The following RORA variants were observed in gnomAD, a reference collection of about 807,000 sequenced individuals.
RORA encodes the protein nuclear receptor ROR-alpha.
A neutral mutation model predicts 69.5 loss-of-function variants in RORA; 7 were observed. That is an observed-to-expected ratio of 0.10 (90% confidence interval 0.06 to 0.19). The LOEUF is 0.19. Ranked by LOEUF, RORA falls within the 10% of genes least tolerant of loss-of-function variation. The pLI is 1.00. For missense variants in RORA, 457 were observed against 663.0 expected, an observed-to-expected ratio of 0.69 and a Z score of 3.41; for synonymous variants, 261 against 240.8, an observed-to-expected ratio of 1.08 and a Z score of -0.78.
At position 60,794,242 on chromosome 15, in the gene RORA, T is replaced by C. The variant is rs2072458111; in HGVS notation, c.167-115556A>G. On this transcript the variant is annotated intron_variant, in intron 1 of 10. Transcript: ENST00000335670. The stretch of plus-strand genomic sequence containing the variant: ...AACAGAAAATCTCAAAGCCCAACAC[T>C]ATTGCTTTAATGAAGAGAGTAGAGA... Among the ~76,000 whole-genome samples the C allele has an allele frequency of 2.6e-5, 4 of 152,212 alleles. No homozygotes were observed. In the South Asian group the frequency reaches 8.3e-4, roughly 31 times the overall value.
chr15:60,779,307 G>A (rs191506396), intron 1 of RORA, among the ~76,000 whole-genome samples: 19 of 152,216 alleles, frequency 1.2e-4, no homozygotes, highest in African/African-American at 3.9e-4. Context: ...TGCATCCTCA[G>A]TTTTCTGGCC....
chr15:60,527,472 C>T (rs1203470144), intron 3 of RORA, among the ~76,000 whole-genome samples: 1 of 152,216 alleles, frequency 6.6e-6, no homozygotes, highest in Non-Finnish European at 1.5e-5. Flanking sequence ...CTTGTGCTGG[C>T]ATGGGGCACG....
intron 1 of RORA, among the ~76,000 whole-genome samples, chr15:61,178,446 A>G (rs184174262): frequency 1.3e-3 from 198 of 152,274 alleles, no homozygotes; most frequent in African/African-American, 4.5e-3. Context: ...ATAATCTGAA[A>G]GTGCTCAAAT....
intron 1 of RORA, among the ~76,000 whole-genome samples, chr15:60,871,734 ACAAC>A (rs1025064403): frequency 6.6e-6 from 1 of 152,212 alleles, no homozygotes; most frequent in African/African-American, 2.4e-5. Flanking sequence ...TCCATATACC[ACAAC>A]CATGCATAAT....
intron 2 of RORA, among the ~76,000 whole-genome samples, chr15:60,648,589 A>G (rs998656263): frequency 6.6e-6 from 1 of 152,246 alleles, no homozygotes; most frequent in Non-Finnish European, 1.5e-5. Context: ...CAAATGTAGC[A>G]TGTTCAGAGA....
At chr15:60,525,708 G>A (rs1289683932) in intron 3 of RORA, among the ~76,000 whole-genome samples, 1 of 152,106 alleles carries the variant, frequency 6.6e-6, no homozygotes, top group Non-Finnish European at 1.5e-5. Flanking sequence ...TTGGAATTTG[G>A]GGGACTGCTG....
chr15:60,831,723 A>G (rs2140391702), intron 1 of RORA, among the ~76,000 whole-genome samples: 1 of 152,348 alleles, frequency 6.6e-6, no homozygotes, highest in South Asian at 2.1e-4. Flanking sequence ...CTTGAACTCA[A>G]AACCATTCCG....
chr15:60,774,632 G>C (rs1376373458), intron 1 of RORA, among the ~76,000 whole-genome samples: 3 of 152,172 alleles, frequency 2.0e-5, no homozygotes, highest in Non-Finnish European at 4.4e-5. Flanking sequence ...CCCATATCTA[G>C]GTAACACAAA....
intron 1 of RORA, among the ~76,000 whole-genome samples, chr15:60,803,813 C>T (rs2072620756): frequency 6.6e-6 from 1 of 152,202 alleles, no homozygotes; most frequent in Admixed American, 6.5e-5. Flanking sequence ...AAAGAGATGG[C>T]ACAGAAACAA....
At chr15:61,042,288 T>C (rs1896812588) in intron 1 of RORA, among the ~76,000 whole-genome samples, 1 of 152,028 alleles carries the variant, frequency 6.6e-6, no homozygotes, top group Non-Finnish European at 1.5e-5. Flanking sequence ...TGAAAGAAGG[T>C]GCTATCAATA....
intron 1 of RORA, among the ~76,000 whole-genome samples, chr15:60,774,479 C>G (rs2072130807): frequency 6.6e-6 from 1 of 152,204 alleles, no homozygotes; most frequent in Admixed American, 6.5e-5. Flanking sequence ...AAGGACTCTT[C>G]CTCACATGGC....
intron 1 of RORA, among the ~76,000 whole-genome samples, chr15:60,979,291 TC>T (rs869093298): frequency 4.7e-4 from 62 of 132,032 alleles, no homozygotes; most frequent in Non-Finnish European, 6.2e-4. Flanking sequence ...TTTTTTTTTT[TC>T]CAAGAATATT....
At position 60,985,841 on chromosome 15, in the gene RORA, A is replaced by G. The variant is rs1404908871; in HGVS notation, c.166+243212T>C. On this transcript the variant is annotated intron_variant, in intron 1 of 10. Transcript: ENST00000335670. The stretch of plus-strand genomic sequence containing the variant: ...CTCATCCGCCCGCTTTGGCCTCCCA[A>G]AATGCTGGGATTACAGGTGTGAGCC... Among the ~76,000 whole-genome samples the G allele has an allele frequency of 2.6e-5, 4 of 152,120 alleles. No homozygotes were observed. In the East Asian group the frequency reaches 7.7e-4, roughly 29 times the overall value.
chr15:60,780,937 T>G (rs2072244073), intron 1 of RORA, among the ~76,000 whole-genome samples: 1 of 152,214 alleles, frequency 6.6e-6, no homozygotes, highest in Non-Finnish European at 1.5e-5. Flanking sequence ...TCCAAGTGCT[T>G]TTTGTTCCAT....
intron 1 of RORA, among the ~76,000 whole-genome samples, chr15:60,941,009 T>A (rs1892678798): frequency 6.6e-6 from 1 of 152,176 alleles, no homozygotes; most frequent in Non-Finnish European, 1.5e-5. Flanking sequence ...TGGCCATGAT[T>A]TTTCTCCTAT....
chr15:60,683,178 T>A (rs1472675327), intron 1 of RORA, among the ~76,000 whole-genome samples: 1 of 152,078 alleles, frequency 6.6e-6, no homozygotes, highest in Non-Finnish European at 1.5e-5. Flanking sequence ...GCCCAGAGAA[T>A]TTTTACTTTT....
intron 2 of RORA, among the ~76,000 whole-genome samples, chr15:60,667,927 G>C (rs145608578): frequency 7.5e-4 from 114 of 152,120 alleles, no homozygotes; most frequent in Non-Finnish European, 1.4e-3. Context: ...CCAGCCCAAA[G>C]AGTATGATTC....
At chr15:60,630,635 G>A (rs1385672221) in intron 2 of RORA, 1 of 152,246 alleles carries the variant, frequency 6.6e-6, no homozygotes, top group Non-Finnish European at 1.5e-5. Context: ...GTCAGACCAA[G>A]AAACCAAGGA....
chr15:60,858,896 G>A (rs1428737879), intron 1 of RORA, among the ~76,000 whole-genome samples: 2 of 151,974 alleles, frequency 1.3e-5, no homozygotes, highest in Admixed American at 1.3e-4. Context: ...ATTAGATTGT[G>A]CAGCCGAAAG....
Sources: gnomAD v4.1 joint callset for allele counts (sites outside exome capture counted in the v4.1 genomes callset) on GRCh38, gnomAD v4.1.1 for gene constraint, MANE v1.5 for transcripts, NCBI Gene and HGNC (gene_info 2026-07-23, HGNC 2026-07-21) for gene names.